Variants in TMEM229B observed in about 807,000 individuals in gnomAD.
TMEM229B encodes the protein chromosome 14 open reading frame 83.
In TMEM229B, 6 loss-of-function variants were observed where a neutral mutation model predicts 13.7. The observed-to-expected ratio is 0.44, with a 90% CI of 0.24 to 0.86. The LOEUF (loss-of-function observed/expected upper bound fraction) is 0.86, where lower values mean the gene tolerates loss of function less well. TMEM229B is among the 40% of genes least tolerant of loss of function. The pLI, the probability that TMEM229B is intolerant of heterozygous loss-of-function variation, is 0.23. For synonymous variants in TMEM229B, 107 were observed against 102.1 expected, an observed-to-expected ratio of 1.05 and a Z score of -0.29; for missense variants, 170 against 236.0, an observed-to-expected ratio of 0.72 and a Z score of 1.83.
At chr14:67,504,593 T>TA (rs899888289) in intron 1 of TMEM229B, among the ~76,000 whole-genome samples, 12 of 151,874 alleles carry the variant, frequency 7.9e-5, no homozygotes, top group Non-Finnish European at 1.5e-4. Flanking sequence ...AAAAAATAAA[T>TA]AAAAAACAAT....
chr14:67,496,391 GTTTTTTT>G (rs555715850), intron 1 of TMEM229B, among the ~76,000 whole-genome samples: 3 of 30,106 alleles, frequency 1.0e-4, no homozygotes, highest in Admixed American at 6.5e-4. Flanking sequence ...CTGCTCCGGC[GTTTTTTT>G]TTTTTTTTTT....
chr14:67,485,377 G>A (rs546713895), intron 2 of TMEM229B, among the ~76,000 whole-genome samples: 25 of 152,310 alleles, frequency 1.6e-4, no homozygotes, highest in African/African-American at 5.8e-4. Context: ...TGTAAGCCCA[G>A]GCTGAGTGGA....
chr14:67,499,371 T>C (rs1410453508), intron 1 of TMEM229B, among the ~76,000 whole-genome samples: 1 of 152,200 alleles, frequency 6.6e-6, no homozygotes, highest in Non-Finnish European at 1.5e-5. Context: ...TTAAGAAAAC[T>C]ATTCAGTTTG....
At chr14:67,533,498 C>G (rs1384505522) in intron 1 of TMEM229B, 2 of 151,890 alleles carry the variant, frequency 1.3e-5, no homozygotes, top group African/African-American at 4.8e-5. Context: ...GCCCAGAGGA[C>G]GATCCGGAGC....
upstream of TMEM229B, among the ~76,000 whole-genome samples, chr14:67,519,754 G>A (rs985651499): frequency 2.0e-4 from 29 of 147,946 alleles, no homozygotes; most frequent in East Asian, 2.0e-3. Flanking sequence ...ACAGGTTCTC[G>A]TTCTGTTGCC....
intron 1 of TMEM229B, among the ~76,000 whole-genome samples, chr14:67,500,633 G>A (rs556677389): frequency 3.4e-5 from 5 of 148,016 alleles, no homozygotes; most frequent in Non-Finnish European, 5.9e-5. Flanking sequence ...GTGCAGTGGC[G>A]CGATCTCGGC....
At chr14:67,487,584 C>T (rs1463679624) in intron 1 of TMEM229B, among the ~76,000 whole-genome samples, 5 of 152,154 alleles carry the variant, frequency 3.3e-5, no homozygotes, top group African/African-American at 1.2e-4. Context: ...GTAGGACATT[C>T]GTTTCAGCAC....
chr14:67,480,671 T>C (rs1024205023), intron 2 of TMEM229B, among the ~76,000 whole-genome samples: 9 of 152,254 alleles, frequency 5.9e-5, no homozygotes, highest in Admixed American at 5.2e-4. Flanking sequence ...CGTATCCCCC[T>C]GGCTCTTCCA....
upstream of TMEM229B, among the ~76,000 whole-genome samples, chr14:67,493,377 T>C (rs1036574009): frequency 1.3e-5 from 2 of 152,164 alleles, no homozygotes; most frequent in African/African-American, 2.4e-5. Context: ...CAATCGGAAT[T>C]AGTTTAGATT....
At chr14:67,503,404 CT>C (rs1479673614) in intron 1 of TMEM229B, 1 of 152,182 alleles carries the variant, frequency 6.6e-6, no homozygotes, top group Non-Finnish European at 1.5e-5. Flanking sequence ...GAAGGATTTC[CT>C]GGGGGCGCTG....
At chr14:67,527,705 G>A (rs1405802885) in intron 1 of TMEM229B, among the ~76,000 whole-genome samples, 1 of 152,198 alleles carries the variant, frequency 6.6e-6, no homozygotes, top group African/African-American at 2.4e-5. Flanking sequence ...CTGGTGAAGT[G>A]TCCATTAATT....
At chr14:67,521,314 T>A (rs2033287961) in intron 1 of TMEM229B, among the ~76,000 whole-genome samples, 1 of 152,108 alleles carries the variant, frequency 6.6e-6, no homozygotes, top group Non-Finnish European at 1.5e-5. Context: ...GGGAAGCAAA[T>A]GCAAAAGTTT....
At chr14:67,474,808 A>G (rs1191980257) in intron 2 of TMEM229B, among the ~76,000 whole-genome samples, 1 of 152,124 alleles carries the variant, frequency 6.6e-6, no homozygotes, top group African/African-American at 2.4e-5. Context: ...GTGGAATCAT[A>G]CAAACACTGT....
chr14:67,485,283 A>G (rs2031808889), intron 2 of TMEM229B, among the ~76,000 whole-genome samples: 1 of 152,084 alleles, frequency 6.6e-6, no homozygotes, highest in African/African-American at 2.4e-5. Context: ...CTCCCCTCCT[A>G]CAGTCTAGGC....
chr14:67,477,568 G>GCTC (rs2031297855), intron 2 of TMEM229B, among the ~76,000 whole-genome samples: 1 of 152,036 alleles, frequency 6.6e-6, no homozygotes, highest in South Asian at 2.1e-4. Flanking sequence ...TACACCTATA[G>GCTC]CTCCTGCCCT....
Position 67,529,134 on chromosome 14 carries a change from C to T in TMEM229B, c.-192+4502G>A, listed in dbSNP as rs560920568. Among the ~76,000 whole-genome samples the T allele has an allele frequency of 8.5e-5, 13 of 152,228 alleles. No individual in the cohort carries two copies. In the South Asian group the frequency reaches 2.5e-3, roughly 29 times the overall value. On this transcript the variant is annotated intron_variant, in intron 1 of 2. Transcript: ENST00000554278. ...ATAATATGCCAGGCACTGAGGCAGG[C>T]CCTTTATCTCCATCTTTATAATAAC...
At chr14:67,518,818 C>A (rs1028326619), upstream of TMEM229B, among the ~76,000 whole-genome samples, 1 of 152,144 alleles carries the variant, frequency 6.6e-6, no homozygotes, top group Non-Finnish European at 1.5e-5. Flanking sequence ...AGATGTGGCT[C>A]AAGAGGGTGA....
At chr14:67,519,311 A>C (rs965276560), upstream of TMEM229B, among the ~76,000 whole-genome samples, 5 of 152,246 alleles carry the variant, frequency 3.3e-5, no homozygotes, top group African/African-American at 1.2e-4. Flanking sequence ...CGCATATTTA[A>C]AGGGAATGCT....
In TMEM229B at chr14:67,530,911, C is replaced by G. The variant is rs1040164780; in HGVS notation, c.-192+2725G>C. Reference sequence around the variant, plus strand: ...CAGAAAAGAAGACGAATGGCCTCCTCTCACCTCTCACGTCCCATGGCAGCT... The same window carrying G: ...CAGAAAAGAAGACGAATGGCCTCCTGTCACCTCTCACGTCCCATGGCAGCT... On this transcript the variant is annotated intron_variant, in intron 1 of 2. Transcript: ENST00000554278. Among the ~76,000 whole-genome samples the G allele has an allele frequency of 2.6e-5, 4 of 152,220 alleles. No homozygotes were observed. In the South Asian group the frequency reaches 6.2e-4, roughly 24 times the overall value.
Sources: gnomAD v4.1 joint callset for allele counts (sites outside exome capture counted in the v4.1 genomes callset) on GRCh38, gnomAD v4.1.1 for gene constraint, MANE v1.5 for transcripts, NCBI Gene and HGNC (gene_info 2026-07-23, HGNC 2026-07-21) for gene names.